KRT82: variants seen among roughly 807,000 people sequenced by gnomAD.
KRT82 encodes keratin, type II cuticular Hb2.
In KRT82, 44 loss-of-function variants were observed where a neutral mutation model predicts 48.0. The observed-to-expected ratio is 0.92, with a 90% CI of 0.72 to 1.18. The LOEUF is 1.18. Among genes scored for constraint, KRT82 ranks in the 50% most tolerant of loss-of-function variants. KRT82 has a pLI of 0.00. For synonymous variants in KRT82, 297 were observed against 278.3 expected (o/e 1.07, Z -0.67); for missense variants, 701 against 671.4 (o/e 1.04, Z -0.49).
intron 4 of KRT82, among the ~76,000 whole-genome samples, 182 bp from the exon 5 acceptor site, chr12:52,400,331 A>T (rs1373528333): frequency 6.6e-6 from 1 of 152,068 alleles, no homozygotes; most frequent in Non-Finnish European, 1.5e-5. Context: ...CTTGGTGGAG[A>T]CTTTCCCAGA....
At chr12:52,401,564 G>A (rs1939791275) in intron 2 of KRT82, among the ~76,000 whole-genome samples, 1 of 152,064 alleles carries the variant, frequency 6.6e-6, no homozygotes, top group East Asian at 1.9e-4. Flanking sequence ...CATTCCTCAG[G>A]AACCTTCTCC....
At chr12:52,400,708 T>G (rs1939778391) in intron 3 of KRT82, 86 bp from the exon 4 acceptor site, 3 of 912,182 alleles carry the variant, frequency 3.3e-6, no homozygotes, top group Non-Finnish European at 3.6e-6. Context: ...GGGCTCACCT[T>G]TCCTCACGAA....
Position 52,403,770 on chromosome 12 carries a change from G to GA in KRT82, c.550dup (p.Ser184PhefsTer36). On this transcript the variant is annotated frameshift_variant, in exon 2 of 9. Coordinates refer to ENST00000257974, the MANE Select transcript of KRT82 (RefSeq NM_033033.4). LOFTEE classifies it high-confidence loss of function. The stretch of plus-strand genomic sequence containing the variant: ...TGACTCTAGCCTCACGCGGTCCCCG[G>GA]ACACACAGTCCAGCTGCCGCCGAAG... 6.2e-7 allele frequency: 1 copy of GA among 1,613,516 alleles called. No homozygotes were observed. The highest frequency in any genetic ancestry group is 8.5e-7 in the Non-Finnish European group (1 of 1,180,004).
chr12:52,395,732 C>A, intron 8 of KRT82, 27 bp downstream of exon 8: 1 of 1,553,534 alleles, frequency 6.4e-7, no homozygotes, highest in South Asian at 1.2e-5. Context: ...GACTCCAGAG[C>A]CAGTGGGGCA....
In KRT82 at chr12:52,405,995, CAG is replaced by C. The variant is rs950210578; in HGVS notation, c.281_282del (p.Pro94ArgfsTer5). On this transcript the variant is annotated frameshift_variant, in exon 1 of 9. Coordinates refer to ENST00000257974, the MANE Select transcript of KRT82 (RefSeq NM_033033.4). LOFTEE classifies it high-confidence loss of function. ...ATCGPSACIT[P>X]VTINESLLVP... ...ACCAGCAGGCTCTCATTGATGGTGA[CAG>C]GGGTGATGCAGGCAGAAGGCCCACA... 1 of 1,614,084 alleles carries C rather than the reference CAG, an allele frequency of 6.2e-7. No homozygotes were observed. The highest frequency in any genetic ancestry group is 8.5e-7 in the Non-Finnish European group (1 of 1,180,048).
rs1939709855 is a variant in KRT82, at chr12:52,396,080, C to T, written c.1221G>A (p.Met407Ile). The T allele has an allele frequency of 5.6e-6, 9 of 1,614,194 alleles. No individual in the cohort carries two copies. The highest frequency in any genetic ancestry group is 7.6e-6 in the Non-Finnish European group (9 of 1,180,040). ...CGATGTCCAGGCCCAGCTTGGAGTT[C>T]ATCACCTCCTGATATTCCTTGAGCA... ...ACLLKEYQEVMNSKLGLDIEI... is the reference protein window; with the variant it reads ...ACLLKEYQEVINSKLGLDIEI... The change falls in exon 7 of 9, where the codon ATG becomes ATA. Residue 407 changes from methionine (M) to isoleucine (I), a missense_variant. Physicochemically the swap from Met to Ile is conservative, Grantham distance 10 (BLOSUM62 1). Transcript: ENST00000257974.
chr12:52,399,184 T>C (rs1939754248), intron 5 of KRT82, among the ~76,000 whole-genome samples: 4 of 152,230 alleles, frequency 2.6e-5, no homozygotes, highest in African/African-American at 9.6e-5. Flanking sequence ...CCCTGGTTTA[T>C]TTGCTTCCTA....
rs949533946 is a variant in KRT82 at position 52,395,922 on chromosome 12, G to A, written c.1289+90C>T. On this transcript the variant is annotated intron_variant, in intron 7 of 8. Transcript: ENST00000257974. ...TTTTCAATGAATGTGGGTAGGGGACGGGGTGAGAGATACTAGCAGCCGCCA... is the reference window on the plus strand; with the variant it reads ...TTTTCAATGAATGTGGGTAGGGGACAGGGTGAGAGATACTAGCAGCCGCCA... 3.7e-5 allele frequency: 57 copies of A among 1,559,072 alleles called. No individual in the cohort carries two copies. In the East Asian group the frequency reaches 5.0e-4, roughly 14 times the overall value.
rs530593598 is a variant in KRT82 at position 52,399,922 on chromosome 12, G to A, written c.942+63C>T. 678 of 1,541,986 alleles carry A rather than the reference G, an allele frequency of 4.4e-4. 5 individuals carry two copies. In the South Asian group the frequency reaches 7.5e-3, roughly 17 times the overall value. ...CACTTCTGCGGAGAAGGAGTCTGGGGGTCCTCCCCTCCCCTGGTTTGTCAC... is the reference window on the plus strand; with the variant it reads ...CACTTCTGCGGAGAAGGAGTCTGGGAGTCCTCCCCTCCCCTGGTTTGTCAC... On this transcript the variant is annotated intron_variant, in intron 5 of 8. Transcript: ENST00000257974.
rs772455577 is a variant in KRT82 at position 52,403,720 on chromosome 12, G to A, written c.601C>T (p.Leu201=). Reference sequence around the variant, plus strand: ...ACTCACTTTTTCTTGTAGCCCTCCAGTGCAGCCTGGAGGCTGCAGAGCTCT... The same window carrying A: ...ACTCACTTTTTCTTGTAGCCCTCCAATGCAGCCTGGAGGCTGCAGAGCTCT... ...ESELCSLQAA[L]EGYKKKYEEE... The change falls in exon 2 of 9, where the codon CTG becomes TTG. Residue 201 remains leucine (L), a synonymous_variant. Transcript: ENST00000257974. The A allele has an allele frequency of 6.2e-7, 1 of 1,607,094 alleles. No homozygotes were observed. Among genetic ancestry groups the A allele is most frequent in the East Asian group, 2.2e-5 (1 of 44,822 alleles).
chr12:52,396,183 G>T lies in KRT82; in HGVS notation c.1118C>A (p.Ala373Glu). 1.2e-6 allele frequency: 2 copies of T among 1,614,088 alleles called. No homozygotes were observed. Among genetic ancestry groups the T allele is most frequent in the East Asian group, 2.2e-5 (1 of 44,874 alleles). Residue 373 changes from alanine to glutamate, a missense_variant, in exon 7 of 9, where the codon GCG becomes GAG. Transcript: ENST00000257974. ...AIAEAEQQGE[A>E]ALNDAKCKLA... ...CTTGCACTTGGCATCATTGAGAGCC[G>T]CCTCGCCCTGCTGCTCTGCCTCAGC...
At position 52,400,591 on chromosome 12, in the gene KRT82, T is replaced by C; in HGVS notation, c.713A>G (p.Asp238Gly). ...DVDTAFLMKA[D>G]LETNAEALVQ... The stretch of plus-strand genomic sequence containing the variant: ...GAGTGCCTCTGCGTTGGTCTCCAGG[T>C]CAGCCTTCATCAGGAAGGCTGTGTC... The change falls in exon 4 of 9, where the codon GAC (aspartate) becomes GGC (glycine). Residue 238 changes from aspartate to glycine, a missense_variant. Transcript: ENST00000257974. 1 of 1,614,014 alleles carries C rather than the reference T, an allele frequency of 6.2e-7. No homozygotes were observed. Among genetic ancestry groups the C allele is most frequent in the Non-Finnish European group, 8.5e-7 (1 of 1,179,926 alleles).
chr12:52,395,910 T>G (rs1592152314), intron 7 of KRT82, 102 bp downstream of exon 7: 5 of 302,642 alleles, frequency 1.7e-5, no homozygotes, highest in East Asian at 1.5e-4. Context: ...TCAATGAATG[T>G]GGGTAGGGGA....
intron 5 of KRT82, among the ~76,000 whole-genome samples, chr12:52,399,290 C>A (rs1342965111): frequency 6.6e-6 from 1 of 152,250 alleles, no homozygotes; most frequent in Non-Finnish European, 1.5e-5. Flanking sequence ...TGGAACCCAG[C>A]TTGTCTCTGG....
At chr12:52,402,041 G>A (rs1489451515) in intron 2 of KRT82, 1 of 152,258 alleles carries the variant, frequency 6.6e-6, no homozygotes, top group Non-Finnish European at 1.5e-5. Context: ...CCCTGGGTTT[G>A]AATTCTGGCT....
In KRT82 at chr12:52,406,048, C is replaced by T; in HGVS notation, c.230G>A (p.Gly77Asp). 1.9e-6 allele frequency: 3 copies of T among 1,614,100 alleles called. No homozygotes were observed. The Admixed American group carries it at 5.0e-5, about 27-fold the overall frequency. Residue 77 changes from glycine to aspartate, a missense_variant, in exon 1 of 9, where the codon GGC becomes GAC. Gly to Asp is a moderately conservative substitution (Grantham distance 94, BLOSUM62 -1). Transcript: ENST00000257974. ...GGTGGCTCCCAGTCGGTACCCGAAG[C>T]CAGGCAGGGTACCTCCACACCTGGA... ...VASRCGGTLP[G>D]FGYRLGATCG... is the part of the protein sequence containing the mutation.
intron 2 of KRT82, among the ~76,000 whole-genome samples, chr12:52,401,742 C>T (rs1939793779): frequency 6.6e-6 from 1 of 152,154 alleles, no homozygotes; most frequent in Non-Finnish European, 1.5e-5. Flanking sequence ...TGACCCTGTG[C>T]ATCCTCCTCG....
chr12:52,397,098 AC>A (rs1167250895), intron 5 of KRT82, 90 bp from the exon 6 acceptor site: 1 of 1,501,826 alleles, frequency 6.7e-7, no homozygotes, highest in East Asian at 2.3e-5. Context: ...TTCTCCCGTG[AC>A]TTCCTAGTTC....
intron 8 of KRT82, 22 bp downstream of exon 8, chr12:52,395,736 TG>T: frequency 1.9e-6 from 3 of 1,553,922 alleles, no homozygotes; most frequent in South Asian, 1.2e-5. Flanking sequence ...CCAGAGCCAG[TG>T]GGGCATGGCT....
Sources: gnomAD v4.1 joint callset for allele counts (sites outside exome capture counted in the v4.1 genomes callset) on GRCh38, gnomAD v4.1.1 for gene constraint, MANE v1.5 for transcripts, NCBI Gene and HGNC (gene_info 2026-07-23, HGNC 2026-07-21) for gene names.